APBA1: variants seen among roughly 807,000 people sequenced by gnomAD.
APBA1 encodes amyloid beta precursor protein binding family A member 1, also known as amyloid-beta A4 precursor protein-binding family A member 1.
APBA1 carries 55 observed loss-of-function variants against 86.6 expected under a neutral mutation model. The observed-to-expected ratio is 0.64, with a 90% CI of 0.51 to 0.80. APBA1 has a LOEUF of 0.80. Among genes scored for constraint, APBA1 ranks in the 30% least tolerant of loss-of-function variants. The pLI, the probability that APBA1 is intolerant of heterozygous loss-of-function variation, is 0.00. For synonymous variants in APBA1, 511 were observed against 493.9 expected (o/e 1.03, Z -0.46); for missense variants, 1,090 against 1,183.0 (o/e 0.92, Z 1.15).
At chr9:69,468,804 T>A (rs933747752) in intron 4 of APBA1, among the ~76,000 whole-genome samples, 1 of 152,248 alleles carries the variant, frequency 6.6e-6, no homozygotes, top group Non-Finnish European at 1.5e-5. Context: ...AATATATAAC[T>A]GTATAACAGT....
rs553891600 is a variant in APBA1 at position 69,656,387 on chromosome 9, C to T, written c.-70+15766G>A. On this transcript the variant is annotated intron_variant, in intron 1 of 12. Coordinates refer to ENST00000265381, the MANE Select transcript of APBA1 (RefSeq NM_001163.4). ...AAAGAATTGATAAACTCAGTATATT[C>T]ACACAATGGATTAAACAGCAAAAAA... Among the ~76,000 whole-genome samples the T allele has an allele frequency of 8.5e-5, 13 of 152,272 alleles. No homozygotes were observed. In the East Asian group the frequency reaches 2.3e-3, roughly 27 times the overall value.
At chr9:69,485,903 T>G (rs1835600722) in intron 2 of APBA1, among the ~76,000 whole-genome samples, 3 of 151,864 alleles carry the variant, frequency 2.0e-5, no homozygotes, top group Admixed American at 1.3e-4. Flanking sequence ...GAGCCAGAAG[T>G]GGGTAAAGGA....
rs1215038586 is a variant in APBA1, at chr9:69,530,329, T to TAC, written c.-69-13052_-69-13051dup. On this transcript the variant is annotated intron_variant, in intron 1 of 12. Coordinates refer to ENST00000265381, the MANE Select transcript of APBA1 (RefSeq NM_001163.4). ...GTGTATATATATATATATATATATA[T>TAC]ACACACACACACACACACACACACA... Among the ~76,000 whole-genome samples the TAC allele has an allele frequency of 3.1e-3, 396 of 127,550 alleles. 2 individuals are homozygous for TAC. The highest frequency in any genetic ancestry group is 0.012 in the Middle Eastern group (3 of 254). 83.7% of individuals were successfully genotyped at this position (127,550 alleles called of 152,430 possible).
At chr9:69,660,652 T>C (rs1364569264) in intron 1 of APBA1, among the ~76,000 whole-genome samples, 2 of 152,138 alleles carry the variant, frequency 1.3e-5, no homozygotes, top group Non-Finnish European at 2.9e-5. Flanking sequence ...TCCCAAAGCT[T>C]TACTAGAGAA....
At chr9:69,449,562 G>T (rs889857005) in intron 10 of APBA1, 22 bp downstream of exon 10, 5 of 1,603,792 alleles carry the variant, frequency 3.1e-6, no homozygotes, top group Non-Finnish European at 4.3e-6. Context: ...CACATCAACT[G>T]ATTTTTCCCA....
intron 1 of APBA1, among the ~76,000 whole-genome samples, chr9:69,671,295 A>G (rs1823943422): frequency 6.6e-6 from 1 of 152,190 alleles, no homozygotes; most frequent in African/African-American, 2.4e-5. Flanking sequence ...TAAGGAGAGA[A>G]GTAGTATCAC....
chr9:69,574,465 A>G lies in APBA1; in HGVS notation c.-69-57186T>C, dbSNP rs185702832. Among the ~76,000 whole-genome samples the G allele has an allele frequency of 4.6e-5, 7 of 152,314 alleles. No homozygotes were observed. In the East Asian group the frequency reaches 1.4e-3, roughly 29 times the overall value. On this transcript the variant is annotated intron_variant, in intron 1 of 12. Transcript: ENST00000265381. ...AATAGACTTGGATTAATAAATTCAC[A>G]TTAAAAAAAATCCTCTCTATATATG...
chr9:69,600,176 T>G (rs1394454258), intron 1 of APBA1, among the ~76,000 whole-genome samples: 1 of 152,180 alleles, frequency 6.6e-6, no homozygotes, highest in African/African-American at 2.4e-5. Context: ...CCCCTCTCTC[T>G]GCCTTCAAGG....
chr9:69,621,094 T>C (rs1035920252), intron 1 of APBA1, among the ~76,000 whole-genome samples: 1 of 152,216 alleles, frequency 6.6e-6, no homozygotes, highest in African/African-American at 2.4e-5. Context: ...ATAGGACTTT[T>C]GGTAAAAATC....
At chr9:69,464,434 T>C (rs1835243415) in intron 5 of APBA1, 1 of 152,240 alleles carries the variant, frequency 6.6e-6, no homozygotes, top group Admixed American at 6.5e-5. Context: ...CCAGAGTAAT[T>C]TGCTTGTAAA....
chr9:69,452,587 G>A (rs756781581), intron 8 of APBA1, among the ~76,000 whole-genome samples: 1 of 152,210 alleles, frequency 6.6e-6, no homozygotes, highest in Non-Finnish European at 1.5e-5. Flanking sequence ...AAAACAGCTC[G>A]ATACAGTGAT....
chr9:69,511,486 T>C (rs1836039370), intron 2 of APBA1, among the ~76,000 whole-genome samples: 1 of 152,092 alleles, frequency 6.6e-6, no homozygotes, highest in African/African-American at 2.4e-5. Flanking sequence ...TACTGTAAAC[T>C]AGTTCAACCA....
chr9:69,558,126 A>C (rs1836890538), intron 1 of APBA1, among the ~76,000 whole-genome samples: 1 of 152,112 alleles, frequency 6.6e-6, no homozygotes, highest in Admixed American at 6.6e-5. Flanking sequence ...TATTCCTTAA[A>C]ATTATCTGTG....
chr9:69,573,208 G>A (rs12554978), intron 1 of APBA1, among the ~76,000 whole-genome samples: 10,061 of 152,166 alleles, frequency 0.066, 435 homozygotes, highest in African/African-American at 0.11. Flanking sequence ...TTGGCTGGGC[G>A]CAGTGGCTCC....
At chr9:69,458,942 G>A (rs1399877214) in intron 5 of APBA1, among the ~76,000 whole-genome samples, 1 of 152,090 alleles carries the variant, frequency 6.6e-6, no homozygotes, top group African/African-American at 2.4e-5. Flanking sequence ...GAGTAGCTGG[G>A]ATTATAGGCA....
chr9:69,446,567 C>T (rs1834911964), intron 10 of APBA1, among the ~76,000 whole-genome samples: 1 of 152,254 alleles, frequency 6.6e-6, no homozygotes. Flanking sequence ...TCCGTCTGTA[C>T]TCCAGCAAGC....
chr9:69,531,254 C>T (rs1006892885), intron 1 of APBA1, among the ~76,000 whole-genome samples: 2 of 152,158 alleles, frequency 1.3e-5, no homozygotes, highest in African/African-American at 4.8e-5. Context: ...TTCTAAGCCT[C>T]CTAAACTCTT....
chr9:69,505,099 G>T (rs1588326386), intron 2 of APBA1, among the ~76,000 whole-genome samples: 1 of 152,154 alleles, frequency 6.6e-6, no homozygotes, highest in Non-Finnish European at 1.5e-5. Context: ...GGATGGACCA[G>T]GCTGTGCGGT....
chr9:69,514,674 C>T (rs1452701540), intron 2 of APBA1, among the ~76,000 whole-genome samples: 6 of 152,188 alleles, frequency 3.9e-5, no homozygotes, highest in African/African-American at 1.2e-4. Flanking sequence ...TTGGGGAGGC[C>T]GAGGTGAGTG....
Sources: allele counts gnomAD v4.1 joint callset (sites outside exome capture counted in the v4.1 genomes callset), GRCh38; gene constraint gnomAD v4.1.1; transcripts MANE v1.5; gene names NCBI Gene and HGNC (gene_info 2026-07-23, HGNC 2026-07-21).